The following RBFOX1 variants were observed in gnomAD, a reference collection of about 807,000 sequenced individuals.
RBFOX1 encodes RNA binding fox-1 homolog 1, also known as RNA binding protein fox-1 homolog 1.
Under a neutral mutation model 57.7 loss-of-function variants are expected in RBFOX1, and 8 were observed. That is an observed-to-expected ratio of 0.14 (90% CI 0.08 to 0.25). RBFOX1 has a LOEUF of 0.25. Among genes scored for constraint, RBFOX1 ranks in the 10% least tolerant of loss-of-function variants. The pLI is 1.00. For missense variants in RBFOX1, 611 were observed against 548.5 expected, an observed-to-expected ratio of 1.11 and a Z score of -1.14; for synonymous variants, 326 against 222.4, an observed-to-expected ratio of 1.47 and a Z score of -4.15.
intron 4 of RBFOX1, among the ~76,000 whole-genome samples, chr16:7,342,616 T>C (rs2096919719): frequency 6.6e-6 from 1 of 152,172 alleles, no homozygotes; most frequent in Non-Finnish European, 1.5e-5. Flanking sequence ...CCATTCTTGG[T>C]GGAGATTCCT....
rs976671390 is a variant in RBFOX1, at chr16:7,406,120, C to T, written c.28-112027C>T. On this transcript the variant is annotated intron_variant, in intron 4 of 15. Transcript: ENST00000550418. ...GTGAAGGCTTTCTTGGCAAGATACC[C>T]GCATTGCCCAAAACACAGAGTACAA... Among the ~76,000 whole-genome samples, 4 of 152,128 alleles carry T rather than the reference C, an allele frequency of 2.6e-5. No homozygotes were observed. The East Asian group carries it at 7.7e-4, about 29-fold the overall frequency.
At chr16:5,779,623 C>T (rs1191141511) in intron 3 of RBFOX1, among the ~76,000 whole-genome samples, 1 of 152,092 alleles carries the variant, frequency 6.6e-6, no homozygotes, top group Non-Finnish European at 1.5e-5. Flanking sequence ...AGTAGCCTTC[C>T]CTCTTCATTC....
At chr16:5,342,219 A>G (rs2065047797) in intron 1 of RBFOX1, among the ~76,000 whole-genome samples, 1 of 152,194 alleles carries the variant, frequency 6.6e-6, no homozygotes, top group South Asian at 2.1e-4. Flanking sequence ...GGTGACCACC[A>G]GTTCCAAAGG....
chr16:6,933,679 C>G (rs749417585), intron 3 of RBFOX1, among the ~76,000 whole-genome samples: 22 of 152,344 alleles, frequency 1.4e-4, no homozygotes, highest in Non-Finnish European at 2.9e-4. Flanking sequence ...TATGACTGCA[C>G]ACTCCAGCCT....
intron 4 of RBFOX1, among the ~76,000 whole-genome samples, chr16:5,935,805 A>G (rs2059156489): frequency 1.3e-5 from 2 of 152,334 alleles, no homozygotes; most frequent in South Asian, 4.1e-4. Flanking sequence ...TCCAATGGCT[A>G]GTTTATCTCT....
intron 1 of RBFOX1, among the ~76,000 whole-genome samples, chr16:6,034,806 A>G (rs915094740): frequency 6.6e-6 from 1 of 152,130 alleles, no homozygotes; most frequent in Non-Finnish European, 1.5e-5. Context: ...CCTGTGGAGT[A>G]GACCCTGCTC....
At chr16:5,759,134 G>A (rs1193484609) in intron 3 of RBFOX1, among the ~76,000 whole-genome samples, 1 of 152,056 alleles carries the variant, frequency 6.6e-6, no homozygotes, top group Non-Finnish European at 1.5e-5. Flanking sequence ...TCCTTTTGAT[G>A]TTTATTTTTG....
At chr16:7,687,893 G>C (rs907431441) in intron 14 of RBFOX1, among the ~76,000 whole-genome samples, 4 of 152,114 alleles carry the variant, frequency 2.6e-5, no homozygotes, top group East Asian at 3.9e-4. Flanking sequence ...TGACAGATGA[G>C]AATCAACCCC....
At position 7,612,817 on chromosome 16, in the gene RBFOX1, C is replaced by G. The variant is rs115240389; in HGVS notation, c.676+5479C>G. On this transcript the variant is annotated intron_variant, in intron 10 of 15. Coordinates refer to ENST00000550418, the MANE Select transcript of RBFOX1 (RefSeq NM_018723.4). Reference sequence around the variant, plus strand: ...TTCTCAATTGCCAGTAAAATACACACTGCAAAGCTCACCCACGTTGTATAT... The same window carrying G: ...TTCTCAATTGCCAGTAAAATACACAGTGCAAAGCTCACCCACGTTGTATAT... 3.2e-3 allele frequency among the ~76,000 whole-genome samples: 483 copies of G among 152,244 alleles called. 5 individuals are homozygous for G. The highest frequency in any genetic ancestry group is 0.011 in the African/African-American group (471 of 41,534).
In RBFOX1 at chr16:5,548,595, G is replaced by A. The variant is rs142350408; in HGVS notation, c.259-50307G>A. ...TGTGTTTATTTCACGTTGCATGCCT[G>A]TATCAAAACATCTCATCTACCCCAT... On this transcript the variant is annotated intron_variant, in intron 2 of 2. Transcript: ENST00000585867. Among the ~76,000 whole-genome samples the A allele has an allele frequency of 8.7e-4, 132 of 152,054 alleles. 3 individuals are homozygous for A. The East Asian group carries it at 0.024, about 28-fold the overall frequency.
rs547967371 is a variant in RBFOX1 at position 7,237,577 on chromosome 16, A to G, written c.27+185479A>G. ...CTAGATTTGGACCAACTGGCTTCCT[A>G]TGTCAACTCTGCCTCTTTCAGTATA... On this transcript the variant is annotated intron_variant, in intron 4 of 15. Coordinates refer to ENST00000550418, the MANE Select transcript of RBFOX1 (RefSeq NM_018723.4). Among the ~76,000 whole-genome samples the G allele has an allele frequency of 3.3e-5, 5 of 152,336 alleles. No homozygotes were observed. The East Asian group carries it at 5.8e-4, about 18-fold the overall frequency.
intron 3 of RBFOX1, among the ~76,000 whole-genome samples, chr16:7,018,474 T>C (rs144323599): frequency 0.022 from 3,361 of 152,276 alleles, 128 homozygotes; most frequent in African/African-American, 0.076. Context: ...ATCCAGTCTA[T>C]CATTGATGGA....
At position 6,944,397 on chromosome 16, in the gene RBFOX1, GAA is replaced by G. The variant is rs199499186; in HGVS notation, c.-15-107643_-15-107642del. ...CAACAGAGCAAGACTCCATCTCAGA[GAA>G]AAAAAAAAAAAAAAAAGAAAGAAAA... On this transcript the variant is annotated intron_variant, in intron 3 of 15. Transcript: ENST00000550418. 4.2e-3 allele frequency among the ~76,000 whole-genome samples: 443 copies of G among 106,090 alleles called. 1 individual carries two copies. The highest frequency in any genetic ancestry group is 0.011 in the African/African-American group (302 of 26,810). The allele number at this position is 106,090 out of a possible 152,430, so 69.6% of individuals were successfully genotyped here.
chr16:6,767,955 A>ATAATAATAATAAT lies in RBFOX1; in HGVS notation c.-16+113305_-16+113306insTAATAATAATAAT, dbSNP rs1491434134. On this transcript the variant is annotated intron_variant, in intron 3 of 15. Transcript: ENST00000550418. Reference sequence around the variant, plus strand: ...AATAATAATAATAATAATAAGAAGAAGAAGAAGAAGAAGAAGAAGAAGAAG... The same window carrying ATAATAATAATAAT: ...AATAATAATAATAATAATAAGAAGAATAATAATAATAATGAAGAAGAAGAAGAAGAAGAAGAAG... Among the ~76,000 whole-genome samples, 178 of 106,920 alleles carry ATAATAATAATAAT rather than the reference A, an allele frequency of 1.7e-3. 2 individuals are homozygous for ATAATAATAATAAT. The highest frequency in any genetic ancestry group is 2.7e-3 in the Non-Finnish European group (144 of 53,700). The allele number at this position is 106,920 out of a possible 152,430, so 70.1% of individuals were successfully genotyped here.
chr16:5,438,218 C>T (rs531034583), intron 1 of RBFOX1, among the ~76,000 whole-genome samples: 50 of 152,260 alleles, frequency 3.3e-4, no homozygotes, highest in African/African-American at 1.0e-3. Flanking sequence ...ACTTATAGGA[C>T]GTGGGGAAGT....
intron 2 of RBFOX1, among the ~76,000 whole-genome samples, chr16:6,429,405 A>G (rs901279379): frequency 6.6e-6 from 1 of 152,200 alleles, no homozygotes; most frequent in Non-Finnish European, 1.5e-5. Flanking sequence ...GCCATTTCTC[A>G]TATTTACCCA....
chr16:5,664,628 A>G (rs1256415758), intron 3 of RBFOX1, among the ~76,000 whole-genome samples: 1 of 152,172 alleles, frequency 6.6e-6, no homozygotes, highest in African/African-American at 2.4e-5. Context: ...AAACTCCCTA[A>G]GGGTTTATCC....
chr16:7,438,609 T>G (rs535445866), intron 4 of RBFOX1, among the ~76,000 whole-genome samples: 251 of 152,318 alleles, frequency 1.6e-3, no homozygotes, highest in African/African-American at 5.8e-3. Flanking sequence ...TGTCTGCATT[T>G]AGCCATTGAA....
At chr16:7,084,976 G>A (rs770180640) in intron 4 of RBFOX1, among the ~76,000 whole-genome samples, 54 of 148,936 alleles carry the variant, frequency 3.6e-4, no homozygotes, top group Non-Finnish European at 6.8e-4. Context: ...CTGTCTGTCT[G>A]TCCATCCGTC....
Sources: allele counts gnomAD v4.1 joint callset (sites outside exome capture counted in the v4.1 genomes callset), GRCh38; gene constraint gnomAD v4.1.1; transcripts MANE v1.5; gene names NCBI Gene and HGNC (gene_info 2026-07-23, HGNC 2026-07-21).